The following MAGI2 variants were observed in gnomAD, a reference collection of about 807,000 sequenced individuals.
MAGI2 encodes the protein membrane associated guanylate kinase, WW and PDZ domain containing 2, also known as membrane-associated guanylate kinase, WW and PDZ domain-containing protein 2.
In MAGI2, 35 loss-of-function variants were observed where a neutral mutation model predicts 133.3. The ratio of observed to expected loss-of-function variants is 0.26; its 90% CI spans 0.20 to 0.35. The LOEUF is 0.35. Among genes scored for constraint, MAGI2 ranks in the 10% least tolerant of loss-of-function variants. The pLI, the probability that MAGI2 is intolerant of heterozygous loss-of-function variation, is 1.00. For synonymous variants in MAGI2, 729 were observed against 710.6 expected (o/e 1.03, Z -0.41); for missense variants, 1,636 against 1,863.4 (o/e 0.88, Z 2.25).
chr7:78,909,050 T>C (rs1191256798), intron 2 of MAGI2, among the ~76,000 whole-genome samples: 1 of 151,668 alleles, frequency 6.6e-6, no homozygotes, highest in African/African-American at 2.4e-5. Flanking sequence ...GAGAACATTT[T>C]TGCAATCTAC....
intron 1 of MAGI2, among the ~76,000 whole-genome samples, chr7:79,030,500 C>T (rs77678535): frequency 0.12 from 17,918 of 152,052 alleles, 1,490 homozygotes; most frequent in African/African-American, 0.24. Flanking sequence ...CGTAGTTCTC[C>T]GTTTTTGTTT....
At chr7:78,670,182 C>T (rs186064493) in intron 2 of MAGI2, among the ~76,000 whole-genome samples, 2 of 152,120 alleles carry the variant, frequency 1.3e-5, no homozygotes, top group Admixed American at 1.3e-4. Context: ...CCCATTGTCT[C>T]AGCCCAAAAT....
intron 2 of MAGI2, among the ~76,000 whole-genome samples, chr7:78,699,067 G>T (rs1391089110): frequency 6.6e-6 from 1 of 152,192 alleles, no homozygotes; most frequent in Non-Finnish European, 1.5e-5. Flanking sequence ...GGGTGACTGA[G>T]AGTGACACCT....
Position 78,168,865 on chromosome 7 carries a change from G to A in MAGI2, c.2404-757C>T, listed in dbSNP as rs75926253. Among the ~76,000 whole-genome samples, 731 of 152,288 alleles carry A rather than the reference G, an allele frequency of 4.8e-3. 3 individuals carry two copies. Among genetic ancestry groups the A allele is most frequent in the African/African-American group, 0.017 (701 of 41,568 alleles). ...TAAGGAGAAAACAAAACAAAACAAA[G>A]CAAACTCATAGTTGGCTTTTTCTGG... On this transcript the variant is annotated intron_variant, in intron 14 of 21. Coordinates refer to ENST00000354212, the MANE Select transcript of MAGI2 (RefSeq NM_012301.4).
intron 10 of MAGI2, among the ~76,000 whole-genome samples, chr7:78,207,209 A>G (rs1429150300): frequency 6.8e-6 from 1 of 148,120 alleles, no homozygotes; most frequent in Non-Finnish European, 1.5e-5. Context: ...ACACCCACAC[A>G]GACCTTTCTA....
intron 2 of MAGI2, among the ~76,000 whole-genome samples, chr7:78,697,832 T>G (rs1406631824): frequency 6.6e-6 from 1 of 152,178 alleles, no homozygotes; most frequent in African/African-American, 2.4e-5. Flanking sequence ...TCTCTCATCC[T>G]TAAATGATGA....
chr7:78,436,158 G>A (rs541369670), intron 6 of MAGI2, among the ~76,000 whole-genome samples: 1 of 152,282 alleles, frequency 6.6e-6, no homozygotes, highest in South Asian at 2.1e-4. Flanking sequence ...AACTGGTCAA[G>A]GGGCTGCATT....
At chr7:78,265,573 C>T (rs1423544570) in intron 9 of MAGI2, among the ~76,000 whole-genome samples, 5 of 151,950 alleles carry the variant, frequency 3.3e-5, no homozygotes, top group Non-Finnish European at 5.9e-5. Flanking sequence ...ATCTTAAAAC[C>T]CTAAAAGTTT....
At chr7:78,185,792 CT>C (rs201094303) in intron 12 of MAGI2, 122 bp from the exon 13 acceptor site, 600 of 626,816 alleles carry the variant, frequency 9.6e-4, no homozygotes, top group South Asian at 2.2e-3. Flanking sequence ...ATGTTTAAGA[CT>C]TTTTTTTTCC....
At chr7:78,255,586 T>C in intron 10 of MAGI2, 1 of 462,604 alleles carries the variant, frequency 2.2e-6, no homozygotes, top group Non-Finnish European at 3.8e-6. Context: ...AGCAGGTTTC[T>C]TAATTAAATC....
At chr7:78,540,422 C>T (rs1798317104) in intron 3 of MAGI2, among the ~76,000 whole-genome samples, 1 of 152,174 alleles carries the variant, frequency 6.6e-6, no homozygotes, top group Non-Finnish European at 1.5e-5. Flanking sequence ...CAGTCTCACT[C>T]CCACTGTGCC....
At chr7:78,732,718 A>C (rs780142571) in intron 2 of MAGI2, among the ~76,000 whole-genome samples, 1 of 152,190 alleles carries the variant, frequency 6.6e-6, no homozygotes, top group Non-Finnish European at 1.5e-5. Flanking sequence ...AAAATTTTGC[A>C]GAAGAAATAC....
At chr7:78,642,882 C>T (rs1584941482) in intron 2 of MAGI2, among the ~76,000 whole-genome samples, 15 of 152,148 alleles carry the variant, frequency 9.9e-5, no homozygotes, top group Admixed American at 9.8e-4. Flanking sequence ...CAATGGTGCA[C>T]TCCACCAACA....
At chr7:78,858,597 T>A (rs1029037212) in intron 2 of MAGI2, among the ~76,000 whole-genome samples, 1 of 152,188 alleles carries the variant, frequency 6.6e-6, no homozygotes, top group African/African-American at 2.4e-5. Context: ...TCTAGTTTGA[T>A]TGCACTGTGG....
At chr7:78,225,037 T>A (rs1342341722) in intron 10 of MAGI2, among the ~76,000 whole-genome samples, 1 of 152,124 alleles carries the variant, frequency 6.6e-6, no homozygotes, top group Non-Finnish European at 1.5e-5. Context: ...TCCCTGCAGA[T>A]ATCCTGGAAG....
At chr7:78,227,622 T>C (rs1038880984) in intron 10 of MAGI2, among the ~76,000 whole-genome samples, 2 of 152,220 alleles carry the variant, frequency 1.3e-5, no homozygotes, top group Non-Finnish European at 2.9e-5. Context: ...TTTAAGTATA[T>C]TTCTCTTTTA....
chr7:78,249,038 T>TA (rs200642694), intron 10 of MAGI2, among the ~76,000 whole-genome samples: 13 of 149,794 alleles, frequency 8.7e-5, no homozygotes, highest in African/African-American at 2.7e-4. Flanking sequence ...AAAAAAATAA[T>TA]AAAAAAAAAG....
intron 2 of MAGI2, among the ~76,000 whole-genome samples, chr7:78,777,852 G>A (rs968453436): frequency 6.7e-6 from 1 of 149,530 alleles, no homozygotes; most frequent in African/African-American, 2.5e-5. Flanking sequence ...CCATAAACAA[G>A]TCTCAGGATC....
chr7:79,381,368 A>G (rs1485511440), intron 1 of MAGI2, among the ~76,000 whole-genome samples: 1 of 151,718 alleles, frequency 6.6e-6, no homozygotes, highest in African/African-American at 2.4e-5. Context: ...TGGAGAACTC[A>G]GTTCATATGC....
Sources: gnomAD v4.1 joint callset for allele counts (sites outside exome capture counted in the v4.1 genomes callset) on GRCh38, gnomAD v4.1.1 for gene constraint, MANE v1.5 for transcripts, NCBI Gene and HGNC (gene_info 2026-07-23, HGNC 2026-07-21) for gene names.